The following CTDP1 variants were observed in gnomAD, a reference collection of about 807,000 sequenced individuals.
CTDP1 encodes the protein CTD phosphatase 1.
CTDP1 carries 47 observed loss-of-function variants against 91.8 expected under a neutral mutation model. The observed-to-expected ratio is 0.51, with a 90% CI of 0.41 to 0.65. The LOEUF (loss-of-function observed/expected upper bound fraction) is 0.65, where lower values mean the gene tolerates loss of function less well. Ranked by LOEUF, CTDP1 falls within the 30% of genes least tolerant of loss-of-function variation. The pLI is 0.00. For missense variants in CTDP1, 1,272 were observed against 1,373.7 expected (o/e 0.93, Z 1.17); for synonymous variants, 656 against 598.5 (o/e 1.10, Z -1.40).
intron 5 of CTDP1, among the ~76,000 whole-genome samples, chr18:79,707,886 G>A (rs1161915132): frequency 1.3e-5 from 2 of 152,176 alleles, no homozygotes; most frequent in Admixed American, 6.5e-5. Context: ...GATAGCATGC[G>A]TGCTTTCAGT....
chr18:79,752,174 G>T (rs1287180568), intron 12 of CTDP1, among the ~76,000 whole-genome samples: 3 of 152,232 alleles, frequency 2.0e-5, no homozygotes, highest in African/African-American at 4.8e-5. Flanking sequence ...ACCTGCAGCG[G>T]CTCCTAAGGA....
At chr18:79,711,000 A>T (rs1019408848) in intron 6 of CTDP1, among the ~76,000 whole-genome samples, 1 of 151,940 alleles carries the variant, frequency 6.6e-6, no homozygotes, top group Non-Finnish European at 1.5e-5. Context: ...AGGGCCCCCA[A>T]TCCAGGCTCT....
At chr18:79,704,090 C>G (rs1293119992) in intron 4 of CTDP1, among the ~76,000 whole-genome samples, 1 of 152,116 alleles carries the variant, frequency 6.6e-6, no homozygotes, top group Non-Finnish European at 1.5e-5. Flanking sequence ...TCCTAGTTAC[C>G]ACGGGCAGTC....
chr18:79,689,920 G>A (rs1306448139), intron 1 of CTDP1, among the ~76,000 whole-genome samples: 4 of 152,154 alleles, frequency 2.6e-5, no homozygotes, highest in Non-Finnish European at 4.4e-5. Flanking sequence ...GCTGGTTCCC[G>A]GCGGCTGAGT....
At chr18:79,698,175 C>T (rs759810767) in intron 4 of CTDP1, among the ~76,000 whole-genome samples, 187 bp downstream of exon 4, 11 of 152,232 alleles carry the variant, frequency 7.2e-5, no homozygotes, top group African/African-American at 1.9e-4. Flanking sequence ...CCGCGGCTCC[C>T]GGGCAGACAT....
intron 12 of CTDP1, among the ~76,000 whole-genome samples, chr18:79,742,524 G>T (rs1180399057): frequency 6.6e-6 from 1 of 152,258 alleles, no homozygotes; most frequent in East Asian, 1.9e-4. Flanking sequence ...CAGGCTGAAA[G>T]CAGGTGACTT....
Position 79,736,447 on chromosome 18 carries a change from A to T in CTDP1, c.2673A>T (p.Pro891=). 1 of 1,549,188 alleles carries T rather than the reference A, an allele frequency of 6.5e-7. No individual in the cohort carries two copies. The highest frequency in any genetic ancestry group is 2.4e-5 in the East Asian group (1 of 40,912). The change falls in exon 12 of 13, where the codon CCA becomes CCT. Residue 891 remains proline, a synonymous_variant. Transcript: ENST00000613122. ...EQEEEPQPRK[P]GTRRERTLGA... is the part of the protein sequence containing the mutation. The stretch of plus-strand genomic sequence containing the variant: ...AGGAGGAGCCCCAGCCCCGGAAGCC[A>T]GGGACCCGCAGGGAGCGGACGCTCG...
chr18:79,751,450 G>C (rs111879799), intron 12 of CTDP1, among the ~76,000 whole-genome samples: 4 of 152,128 alleles, frequency 2.6e-5, no homozygotes, highest in African/African-American at 4.8e-5. Context: ...TCTCTCATGC[G>C]GTATTTCCTG....
intron 1 of CTDP1, chr18:79,683,115 C>A (rs1266243417): frequency 1.1e-4 from 16 of 152,164 alleles, no homozygotes; most frequent in African/African-American, 3.6e-4. Context: ...AGAGGAACTG[C>A]CTTCAACCGT....
Position 79,750,859 on chromosome 18 carries a change from T to A in CTDP1, c.2748-2793T>A, listed in dbSNP as rs180703628. Reference sequence around the variant, plus strand: ...GGATGCATTGCTTTTTAAGAAAGGATCTCATGGATCCAGGGGTCCCAGTAT... The same window carrying A: ...GGATGCATTGCTTTTTAAGAAAGGAACTCATGGATCCAGGGGTCCCAGTAT... On this transcript the variant is annotated intron_variant, in intron 12 of 12. Transcript: ENST00000613122. Among the ~76,000 whole-genome samples, 622 of 151,592 alleles carry A rather than the reference T, an allele frequency of 4.1e-3. 5 individuals are homozygous for A. Among genetic ancestry groups the A allele is most frequent in the African/African-American group, 0.014 (568 of 41,246 alleles).
intron 3 of CTDP1, among the ~76,000 whole-genome samples, chr18:79,696,837 C>T (rs1156848834): frequency 6.6e-6 from 1 of 152,188 alleles, no homozygotes; most frequent in Non-Finnish European, 1.5e-5. Flanking sequence ...GAGGCAGACA[C>T]CGTCTCCCCG....
chr18:79,739,745 G>A (rs1020000241), intron 12 of CTDP1, among the ~76,000 whole-genome samples: 15 of 152,212 alleles, frequency 9.9e-5, no homozygotes, highest in African/African-American at 1.7e-4. Flanking sequence ...GTCTGTTCAG[G>A]TTCTGCTGCG....
Position 79,713,126 on chromosome 18 carries a change from A to C in CTDP1, c.1018A>C (p.Thr340Pro), listed in dbSNP as rs765886235. Residue 340 changes from threonine (T) to proline (P), a missense_variant, in exon 7 of 13, where the codon ACG (threonine) becomes CCG (proline). Coordinates refer to ENST00000613122, the MANE Select transcript of CTDP1 (RefSeq NM_004715.5). The surrounding 1 kb of genome is among the most constrained non-coding windows in gnomAD (Gnocchi z 4.7). ...NAPPGSRESQ[T>P]RKKVNHSRGT... The stretch of plus-strand genomic sequence containing the variant: ...GCCCCCTGGGTCCCGAGAATCTCAG[A>C]CGAGAAAGAAAGGTGGGTAACCTCC... 2 of 1,613,980 alleles carry C rather than the reference A, an allele frequency of 1.2e-6. No homozygotes were observed. The highest frequency in any genetic ancestry group is 4.5e-5 in the East Asian group (2 of 44,900).
At chr18:79,704,255 C>T (rs1422598858) in intron 4 of CTDP1, among the ~76,000 whole-genome samples, 2 of 152,228 alleles carry the variant, frequency 1.3e-5, no homozygotes, top group Admixed American at 6.5e-5. Flanking sequence ...GAGGGTCAGG[C>T]GGACATGCGT....
intron 10 of CTDP1, among the ~76,000 whole-genome samples, chr18:79,719,278 T>A (rs951016134): frequency 1.3e-5 from 2 of 151,008 alleles, no homozygotes; most frequent in Non-Finnish European, 3.0e-5. Flanking sequence ...TGGTGGAGAG[T>A]GTTGCTAAGA....
At chr18:79,726,535 G>A (rs1386261364) in intron 10 of CTDP1, among the ~76,000 whole-genome samples, 1 of 151,976 alleles carries the variant, frequency 6.6e-6, no homozygotes, top group African/African-American at 2.4e-5. Flanking sequence ...ATACTGGATT[G>A]AAACCTGGAC....
chr18:79,680,491 A>T (rs2085339486), intron 1 of CTDP1, among the ~76,000 whole-genome samples: 1 of 152,242 alleles, frequency 6.6e-6, no homozygotes, highest in African/African-American at 2.4e-5. Context: ...AGCGACACGA[A>T]GTTACTGTTT....
chr18:79,711,191 A>G (rs1252245681), intron 6 of CTDP1, among the ~76,000 whole-genome samples: 3 of 151,878 alleles, frequency 2.0e-5, no homozygotes, highest in African/African-American at 7.3e-5. Flanking sequence ...GTCAGACGGC[A>G]CTGATTCGAT....
At chr18:79,753,479 G>T (rs1240101991) in intron 12 of CTDP1, among the ~76,000 whole-genome samples, 173 bp from the exon 13 acceptor site, 1 of 152,228 alleles carries the variant, frequency 6.6e-6, no homozygotes, top group African/African-American at 2.4e-5. Flanking sequence ...GGGCTCTGCT[G>T]TCCACACGTG....
Sources: gnomAD v4.1 joint callset for allele counts (sites outside exome capture counted in the v4.1 genomes callset) on GRCh38, gnomAD v4.1.1 for gene constraint, Gnocchi (gnomAD v3.1) non-coding constraint, MANE v1.5 for transcripts, NCBI Gene and HGNC (gene_info 2026-07-23, HGNC 2026-07-21) for gene names.